The following CUEDC1 variants were observed in gnomAD, a reference collection of about 807,000 sequenced individuals.
CUEDC1 encodes the protein CUE domain-containing protein 1.
Under a neutral mutation model 43.7 loss-of-function variants are expected in CUEDC1, and 30 were observed. The observed-to-expected ratio is 0.69, with a 90% CI of 0.51 to 0.93. The LOEUF is 0.93. Ranked by LOEUF, CUEDC1 falls within the 40% of genes least tolerant of loss-of-function variation. CUEDC1 has a pLI of 0.00. For synonymous variants in CUEDC1, 223 were observed against 223.6 expected, an observed-to-expected ratio of 1.00 and a Z score of 0.02; for missense variants, 486 against 549.0, an observed-to-expected ratio of 0.89 and a Z score of 1.15.
intron 1 of CUEDC1, among the ~76,000 whole-genome samples, chr17:57,903,958 AG>A (rs906936571): frequency 6.7e-6 from 1 of 149,546 alleles, no homozygotes; most frequent in Non-Finnish European, 1.5e-5. Flanking sequence ...AAAATCAGAG[AG>A]GGTTTCCAAC....
chr17:57,952,532 T>C (rs2070056487), intron 1 of CUEDC1, among the ~76,000 whole-genome samples: 1 of 152,118 alleles, frequency 6.6e-6, no homozygotes, highest in South Asian at 2.1e-4. Context: ...CGGCCTCCAA[T>C]GCCCTTTATA....
At chr17:57,896,487 G>GGGGTGTGTGTGTGT (rs375270781) in intron 1 of CUEDC1, among the ~76,000 whole-genome samples, 3 of 130,372 alleles carry the variant, frequency 2.3e-5, no homozygotes, top group East Asian at 2.1e-4. Context: ...TGCATTATGG[G>GGGGTGTGTGTGTGT]GTGTGTGTGT....
chr17:57,929,924 C>T (rs1384648425), intron 1 of CUEDC1, among the ~76,000 whole-genome samples: 1 of 152,182 alleles, frequency 6.6e-6, no homozygotes, highest in East Asian at 1.9e-4. Flanking sequence ...GCCTCAGCCT[C>T]CCGAGTAGCT....
chr17:57,897,129 A>G lies in CUEDC1; in HGVS notation c.-315-11250T>C, dbSNP rs543088542. Among the ~76,000 whole-genome samples, 49 of 152,306 alleles carry G rather than the reference A, an allele frequency of 3.2e-4. 2 individuals are homozygous for G. In the South Asian group the frequency reaches 9.9e-3, roughly 31 times the overall value. The stretch of plus-strand genomic sequence containing the variant: ...CATAAGTTACTATTTAATAATAATT[A>G]TAGCAAACGTCTATGAGCACTTGGT... On this transcript the variant is annotated intron_variant, in intron 1 of 10. Coordinates refer to ENST00000577830, the MANE Select transcript of CUEDC1 (RefSeq NM_001271875.2).
chr17:57,875,626 G>A (rs767496354), intron 3 of CUEDC1, among the ~76,000 whole-genome samples: 5 of 152,152 alleles, frequency 3.3e-5, no homozygotes, highest in Non-Finnish European at 5.9e-5. Context: ...AAAACAGCAG[G>A]CGGCCTGTGT....
intron 1 of CUEDC1, among the ~76,000 whole-genome samples, chr17:57,891,834 A>G (rs868470715): frequency 1.3e-5 from 2 of 152,090 alleles, no homozygotes. Flanking sequence ...CCACCCCCCA[A>G]CATCCCAGTG....
At chr17:57,865,667 T>C (rs1265735542) in intron 10 of CUEDC1, among the ~76,000 whole-genome samples, 2 of 152,118 alleles carry the variant, frequency 1.3e-5, no homozygotes, top group African/African-American at 4.8e-5. Context: ...GGAGGAGAAA[T>C]GGCTTGGAGC....
intron 1 of CUEDC1, among the ~76,000 whole-genome samples, chr17:57,940,488 C>T (rs1192351124): frequency 6.6e-6 from 1 of 152,184 alleles, no homozygotes; most frequent in African/African-American, 2.4e-5. Context: ...CCTCCCCTCC[C>T]GCAGTAACCT....
chr17:57,867,715 A>C (rs1342741946), intron 8 of CUEDC1: 3 of 515,580 alleles, frequency 5.8e-6, no homozygotes, highest in African/African-American at 5.7e-5. Context: ...CATGAATAGG[A>C]GTTCTGATAA....
At chr17:57,952,592 C>T (rs2075017815) in intron 1 of CUEDC1, among the ~76,000 whole-genome samples, 1 of 152,180 alleles carries the variant, frequency 6.6e-6, no homozygotes, top group Admixed American at 6.5e-5. Context: ...AGCACCACCT[C>T]CTCCAGCTCA....
At chr17:57,933,817 T>G (rs959594124) in intron 1 of CUEDC1, among the ~76,000 whole-genome samples, 2 of 151,934 alleles carry the variant, frequency 1.3e-5, no homozygotes, top group African/African-American at 2.4e-5. Flanking sequence ...ACACCTCTAT[T>G]TGGAGCCCGA....
chr17:57,883,249 G>C (rs2074240983), intron 2 of CUEDC1, among the ~76,000 whole-genome samples: 1 of 152,198 alleles, frequency 6.6e-6, no homozygotes, highest in Non-Finnish European at 1.5e-5. Flanking sequence ...GGATTGTCCT[G>C]GGTGCTGCAG....
At chr17:57,910,958 T>C (rs1035193629) in intron 1 of CUEDC1, among the ~76,000 whole-genome samples, 8 of 152,164 alleles carry the variant, frequency 5.3e-5, no homozygotes, top group Admixed American at 4.6e-4. Context: ...GCTTCCCTGA[T>C]GCCTTCAAGC....
chr17:57,894,667 C>CA (rs1225801066), intron 1 of CUEDC1, among the ~76,000 whole-genome samples: 10 of 150,836 alleles, frequency 6.6e-5, no homozygotes, highest in South Asian at 4.2e-4. Context: ...GACTCTGTCT[C>CA]AAAAAAAAAT....
At chr17:57,895,763 G>A (rs1034737504) in intron 1 of CUEDC1, among the ~76,000 whole-genome samples, 13 of 152,164 alleles carry the variant, frequency 8.5e-5, no homozygotes, top group African/African-American at 2.9e-4. Context: ...GAACACGCGC[G>A]TTCATGCTAC....
chr17:57,914,707 C>G (rs2074619794), intron 1 of CUEDC1, among the ~76,000 whole-genome samples: 1 of 152,182 alleles, frequency 6.6e-6, no homozygotes, highest in South Asian at 2.1e-4. Context: ...GTCTCCTAGC[C>G]TGATGGTTTG....
At chr17:57,904,314 G>A (rs957993947) in intron 1 of CUEDC1, among the ~76,000 whole-genome samples, 8 of 151,976 alleles carry the variant, frequency 5.3e-5, no homozygotes, top group African/African-American at 1.2e-4. Flanking sequence ...ACTGTGTCTC[G>A]GGCAACTTTT....
At chr17:57,907,464 G>A (rs1245438654) in intron 1 of CUEDC1, among the ~76,000 whole-genome samples, 1 of 152,020 alleles carries the variant, frequency 6.6e-6, no homozygotes, top group Non-Finnish European at 1.5e-5. Flanking sequence ...CAGGGTAGTG[G>A]GAAAGTGGGG....
At chr17:57,938,327 C>A (rs541235946) in intron 1 of CUEDC1, among the ~76,000 whole-genome samples, 22 of 152,358 alleles carry the variant, frequency 1.4e-4, no homozygotes, top group African/African-American at 5.1e-4. Context: ...ATAAACCTAG[C>A]TTAACCCCAG....
Sources: allele counts gnomAD v4.1 joint callset (sites outside exome capture counted in the v4.1 genomes callset), GRCh38; gene constraint gnomAD v4.1.1; transcripts MANE v1.5; gene names NCBI Gene and HGNC (gene_info 2026-07-23, HGNC 2026-07-21).